The following CNTNAP3 variants were observed in gnomAD, a reference collection of about 807,000 sequenced individuals.
CNTNAP3 encodes the protein contactin-associated protein-like 3.
CNTNAP3 carries 36 observed loss-of-function variants against 92.1 expected under a neutral mutation model. The observed-to-expected ratio is 0.39, with a 90% confidence interval of 0.30 to 0.52. The LOEUF is 0.52. Among genes scored for constraint, CNTNAP3 ranks in the 20% least tolerant of loss-of-function variants. The pLI is 0.76. For missense variants in CNTNAP3, 534 were observed against 1,069.6 expected (o/e 0.50, Z 6.98); for synonymous variants, 232 against 422.3 (o/e 0.55, Z 5.53).
In CNTNAP3 at chr9:39,066,912, C is replaced by T; in HGVS notation, c.*6978G>A. On this transcript the variant is annotated 3_prime_UTR_variant, in exon 24 of 24. Coordinates refer to ENST00000297668, the MANE Select transcript of CNTNAP3 (RefSeq NM_033655.5). ...TAGTTTGCATCAAATGTGGAAAATG[C>T]TTATGTATTAATTTTTAAAAATATT... Among the ~76,000 whole-genome samples, 1 of 152,146 alleles carries T rather than the reference C, an allele frequency of 6.6e-6. No individual in the cohort carries two copies. Among genetic ancestry groups the T allele is most frequent in the Non-Finnish European group, 1.5e-5 (1 of 68,020 alleles).
chr9:39,133,840 A>C (rs1451215857), intron 12 of CNTNAP3, among the ~76,000 whole-genome samples: 1 of 152,210 alleles, frequency 6.6e-6, no homozygotes, highest in Non-Finnish European at 1.5e-5. Context: ...TAGTGTTCCC[A>C]AAAATGGACC....
chr9:39,085,601 ACAGTTTGCACCTTGATTGTCACT>A, intron 21 of CNTNAP3, 112 bp downstream of exon 21: 1 of 772,916 alleles, frequency 1.3e-6, no homozygotes, highest in South Asian at 1.7e-5. Flanking sequence ...AGGCAAGAGT[ACAGTTTGCACCTTGATTGTCACT>A]CACTGTGAAA....
At chr9:39,098,701 G>A (rs4961901) in intron 18 of CNTNAP3, among the ~76,000 whole-genome samples, 61,058 of 151,884 alleles carry the variant, frequency 0.4, 13,498 homozygotes, top group African/African-American at 0.57. Context: ...CTTCAGGAAT[G>A]ATAAAAGACA....
Position 39,144,304 on chromosome 9 carries a change from C to T in CNTNAP3, c.1692G>A (p.Gln564=), listed in dbSNP as rs1190448362. 5.1e-6 allele frequency: 8 copies of T among 1,574,234 alleles called. No homozygotes were observed. Among genetic ancestry groups the T allele is most frequent in the Non-Finnish European group, 6.9e-6 (8 of 1,159,856 alleles). Residue 564 remains glutamine (Q), a synonymous_variant, in exon 11 of 24, where the codon CAG becomes CAA. Transcript: ENST00000297668. The part of the protein sequence containing the change: ...SYCEHGGECS[Q]SWDTFSCDCL... ...AGTCACAGGAGAAGGTGTCCCACGA[C>T]TGGGAACACTCGCCCCCATGCTCAC...
chr9:39,136,260 T>G (rs1821433753), intron 12 of CNTNAP3, among the ~76,000 whole-genome samples: 1 of 152,058 alleles, frequency 6.6e-6, no homozygotes, highest in African/African-American at 2.4e-5. Flanking sequence ...AAACGGGGAT[T>G]GTCTGCACTT....
intron 4 of CNTNAP3, among the ~76,000 whole-genome samples, chr9:39,180,756 G>GATCA (rs1822429654): frequency 6.6e-6 from 1 of 150,634 alleles, no homozygotes; most frequent in South Asian, 2.1e-4. Flanking sequence ...AGCCCACCAA[G>GATCA]ATCAGCACTG....
At position 39,089,771 on chromosome 9, in the gene CNTNAP3, A is replaced by T. The variant is rs577150570; in HGVS notation, c.2996-1124T>A. Among the ~76,000 whole-genome samples, 4 of 152,210 alleles carry T rather than the reference A, an allele frequency of 2.6e-5. No homozygotes were observed. The East Asian group carries it at 7.7e-4, about 29-fold the overall frequency. ...TACAGCTATACCTGTCTGTGTGAAG[A>T]GGTATTTCATTGTGACTTTGATTGC... On this transcript the variant is annotated intron_variant, in intron 18 of 23. Coordinates refer to ENST00000297668, the MANE Select transcript of CNTNAP3 (RefSeq NM_033655.5).
intron 18 of CNTNAP3, 58 bp downstream of exon 18, chr9:39,099,853 T>G: frequency 6.3e-7 from 1 of 1,580,012 alleles, no homozygotes; most frequent in Non-Finnish European, 8.6e-7. Flanking sequence ...AGAAGCATTC[T>G]TCATGTTATT....
chr9:39,076,964 A>G (rs535850152), intron 23 of CNTNAP3, among the ~76,000 whole-genome samples: 24 of 152,396 alleles, frequency 1.6e-4, no homozygotes, highest in African/African-American at 5.8e-4. Context: ...TCAAACAAAC[A>G]AAGATTTCAA....
intron 18 of CNTNAP3, among the ~76,000 whole-genome samples, chr9:39,088,982 T>C (rs1341288557): frequency 6.6e-6 from 1 of 152,286 alleles, no homozygotes; most frequent in East Asian, 1.9e-4. Flanking sequence ...ATCTTTGGTT[T>C]CCAATTTTTT....
At chr9:39,130,574 G>T (rs1368990668) in intron 13 of CNTNAP3, among the ~76,000 whole-genome samples, 1 of 145,082 alleles carries the variant, frequency 6.9e-6, no homozygotes, top group African/African-American at 2.6e-5. Flanking sequence ...GCGCCATCTC[G>T]GCTCACTGCA....
At position 39,103,763 on chromosome 9, in the gene CNTNAP3, G is replaced by A; in HGVS notation, c.2517C>T (p.Phe839=). The change falls in exon 16 of 24, where the codon TTC becomes TTT. Residue 839 remains phenylalanine, a synonymous_variant. Coordinates refer to ENST00000297668, the MANE Select transcript of CNTNAP3 (RefSeq NM_033655.5). ...VFMENLGITD[F]IRIELRAPTE... ...GCTTACCACGCAGCTCAATCCTGATGAAATCTGTGATCCCCAGGTTCTCCA... is the reference window on the plus strand; with the variant it reads ...GCTTACCACGCAGCTCAATCCTGATAAAATCTGTGATCCCCAGGTTCTCCA... 6.2e-7 allele frequency: 1 copy of A among 1,610,978 alleles called. No homozygotes were observed. Among genetic ancestry groups the A allele is most frequent in the Non-Finnish European group, 8.5e-7 (1 of 1,179,776 alleles).
chr9:39,105,705 C>G (rs564837042), intron 15 of CNTNAP3, among the ~76,000 whole-genome samples: 6 of 152,078 alleles, frequency 3.9e-5, no homozygotes, highest in Non-Finnish European at 8.8e-5. Context: ...TTTCTGGAAT[C>G]AGCCATTTCT....
intron 9 of CNTNAP3, among the ~76,000 whole-genome samples, chr9:39,151,903 A>C (rs1435786695): frequency 1.3e-5 from 2 of 150,446 alleles, no homozygotes; most frequent in Non-Finnish European, 3.0e-5. Flanking sequence ...TTAGGTATTA[A>C]ACCTAATATT....
chr9:39,130,553 G>A (rs1053805954), intron 13 of CNTNAP3, among the ~76,000 whole-genome samples: 3 of 140,512 alleles, frequency 2.1e-5, no homozygotes, highest in Non-Finnish European at 4.5e-5. Context: ...CGCCCAGGCT[G>A]GAGTGCAGTG....
Position 39,066,766 on chromosome 9 carries a change from T to C in CNTNAP3, c.*7124A>G, listed in dbSNP as rs201842759. Among the ~76,000 whole-genome samples, 57 of 152,396 alleles carry C rather than the reference T, an allele frequency of 3.7e-4. No homozygotes were observed. In the East Asian group the frequency reaches 7.4e-3, roughly 20 times the overall value. On this transcript the variant is annotated 3_prime_UTR_variant, in exon 24 of 24. Coordinates refer to ENST00000297668, the MANE Select transcript of CNTNAP3 (RefSeq NM_033655.5). Reference sequence around the variant, plus strand: ...ATCATCCTTGTTTTTCTTCTCTGTGTAAGACTTGTCTTTTTCTCTTTACCA... The same window carrying C: ...ATCATCCTTGTTTTTCTTCTCTGTGCAAGACTTGTCTTTTTCTCTTTACCA...
At chr9:39,102,222 G>A (rs1826477334) in intron 17 of CNTNAP3, among the ~76,000 whole-genome samples, 1 of 152,302 alleles carries the variant, frequency 6.6e-6, no homozygotes, top group Admixed American at 6.5e-5. Flanking sequence ...GGAGGTTTCA[G>A]TGGGCTGAGA....
At chr9:39,083,059 T>G (rs10974132) in intron 21 of CNTNAP3, among the ~76,000 whole-genome samples, 283 of 142,840 alleles carry the variant, frequency 2.0e-3, no homozygotes, top group Non-Finnish European at 3.7e-3. Context: ...TTGATGAATT[T>G]TAAAATGTTA....
intron 15 of CNTNAP3, among the ~76,000 whole-genome samples, chr9:39,105,299 T>A (rs375087850): frequency 1.3e-5 from 2 of 152,138 alleles, no homozygotes; most frequent in East Asian, 1.9e-4. Flanking sequence ...TGGTGGTGGG[T>A]GCCTGTAGTC....
Sources: gnomAD v4.1 joint callset for allele counts (sites outside exome capture counted in the v4.1 genomes callset) on GRCh38, gnomAD v4.1.1 for gene constraint, MANE v1.5 for transcripts, NCBI Gene and HGNC (gene_info 2026-07-23, HGNC 2026-07-21) for gene names.